The following WIZ variants were observed in gnomAD, a reference collection of about 807,000 sequenced individuals.
WIZ encodes WIZ zinc finger, also known as protein Wiz.
Under a neutral mutation model 140.2 loss-of-function variants are expected in WIZ, and 25 were observed. The ratio of observed to expected loss-of-function variants is 0.18; its 90% CI spans 0.13 to 0.25. The LOEUF is 0.25. Ranked by LOEUF, WIZ falls within the 10% of genes least tolerant of loss-of-function variation. The probability of loss-of-function intolerance (pLI) is 1.00; values close to 1 mark genes in which losing one functional copy is unlikely to be tolerated. For synonymous variants in WIZ, 1,125 were observed against 1,154.3 expected (o/e 0.97, Z 0.51); for missense variants, 2,231 against 2,632.6 (o/e 0.85, Z 3.34).
intron 6 of WIZ, 41 bp downstream of exon 6, chr19:15,430,971 G>A (rs1048862706): frequency 4.7e-6 from 7 of 1,490,604 alleles, no homozygotes; most frequent in Non-Finnish European, 6.3e-6. Context: ...AGTGTAACCA[G>A]CCTGGCCAGC....
At chr19:15,436,776 G>T in intron 5 of WIZ, 30 bp downstream of exon 5, 1 of 1,524,392 alleles carries the variant, frequency 6.6e-7, no homozygotes, top group South Asian at 1.3e-5. Context: ...GAAGGATGGG[G>T]CTCCAGCACA....
At chr19:15,426,671 G>T (rs1463824419) in intron 9 of WIZ, among the ~76,000 whole-genome samples, 2 of 152,220 alleles carry the variant, frequency 1.3e-5, no homozygotes, top group African/African-American at 4.8e-5. Flanking sequence ...ATCACTAATG[G>T]ATCCCCGCAG....
chr19:15,428,565 G>A lies in WIZ; in HGVS notation c.3416-57C>T, dbSNP rs1969011521. The A allele has an allele frequency of 5.2e-6, 8 of 1,534,038 alleles. No individual in the cohort carries two copies. Among genetic ancestry groups the A allele is most frequent in the South Asian group, 1.2e-5 (1 of 83,866 alleles). ...GCCGCCACCTTGGCCGGCCTTGGGGGCCTGAGGTAGGAGGGTCTGGTGTGA... is the reference window on the plus strand; with the variant it reads ...GCCGCCACCTTGGCCGGCCTTGGGGACCTGAGGTAGGAGGGTCTGGTGTGA... On this transcript the variant is annotated intron_variant, in intron 7 of 12. Transcript: ENST00000673675. This position sits in a 1 kb window ranked among gnomAD's most constrained non-coding sequence, Gnocchi z 6.4.
At chr19:15,437,571 G>A (rs536668720) in intron 4 of WIZ, among the ~76,000 whole-genome samples, 1 of 152,356 alleles carries the variant, frequency 6.6e-6, no homozygotes, top group South Asian at 2.1e-4. Context: ...TGGGAGGATT[G>A]CTTGAGCTTA....
chr19:15,439,512 C>T lies in WIZ; in HGVS notation c.1482G>A (p.Glu494=). 6.5e-7 allele frequency: 1 copy of T among 1,534,426 alleles called. No homozygotes were observed. The highest frequency in any genetic ancestry group is 8.7e-7 in the Non-Finnish European group (1 of 1,145,908). ...GGTCTTCCTCATAAGCCTCGCCATC[C>T]TCCTCCCAGTGGGGATGGGCATGCA... ...RLVHAHPHWE[E]DGEAYEEDPA... The change falls in exon 4 of 13, where the codon GAG becomes GAA. Residue 494 remains glutamate, a synonymous_variant. Coordinates refer to ENST00000673675, the MANE Select transcript of WIZ (RefSeq NM_001371589.1). The surrounding 1 kb of genome is among the most constrained non-coding windows in gnomAD (Gnocchi z 7.0).
chr19:15,429,480 CA>C, intron 7 of WIZ, 105 bp downstream of exon 7: 7 of 1,041,346 alleles, frequency 6.7e-6, no homozygotes, highest in African/African-American at 1.6e-5. Context: ...CTGTAGTCCC[CA>C]CCGCCCCCAC....
In WIZ at chr19:15,448,218, G is replaced by A. The variant is rs181434938; in HGVS notation, c.90C>T (p.Ile30=). Residue 30 remains isoleucine, a synonymous_variant, in exon 2 of 13, where the codon ATC becomes ATT. Transcript: ENST00000673675. ...RLPGPAPREN[I]EGGAEAAEGE... is the part of the protein sequence containing the mutation. ...CCTCAGCAGCTTCGGCCCCACCCTC[G>A]ATGTTCTCCCTTGGCGCCGGGCCAG... 3.1e-6 allele frequency: 5 copies of A among 1,613,318 alleles called. No individual in the cohort carries two copies. The highest frequency in any genetic ancestry group is 2.7e-5 in the African/African-American group (2 of 75,020).
rs773642175 is a variant in WIZ, at chr19:15,427,442, G to A, written c.3906C>T (p.Ser1302=). The change falls in exon 9 of 13, where the codon TCC becomes TCT. Residue 1302 remains serine (S), a synonymous_variant. Transcript: ENST00000673675. This position sits in a 1 kb window ranked among gnomAD's most constrained non-coding sequence, Gnocchi z 6.4. ...NRKGLSSHAR[S]HLRQMGVTEW... ...CGGTCACGCCCATTTGCCGCAGATGGGAGCGCGCGTGGCTCGAGAGGCCCT... is the reference window on the plus strand; with the variant it reads ...CGGTCACGCCCATTTGCCGCAGATGAGAGCGCGCGTGGCTCGAGAGGCCCT... 6.2e-7 allele frequency: 1 copy of A among 1,613,690 alleles called. No homozygotes were observed. Among genetic ancestry groups the A allele is most frequent in the Admixed American group, 1.7e-5 (1 of 60,020 alleles).
rs1185636362 is a variant in WIZ, at chr19:15,424,830, G to T, written c.5097C>A (p.Pro1699=). The T allele has an allele frequency of 2.5e-6, 4 of 1,609,780 alleles. No homozygotes were observed. Reference sequence around the variant, plus strand: ...CGGCACTGCGGAACTTCTTGGTGAAGGGGCGGCCGCCCTGGATGTAGCTGC... The same window carrying T: ...CGGCACTGCGGAACTTCTTGGTGAATGGGCGGCCGCCCTGGATGTAGCTGC... ...AYRSYIQGGR[P]FTKKFRSAGH... is the part of the protein sequence containing the mutation. Residue 1699 remains proline, a synonymous_variant, in exon 11 of 13, where the codon CCC becomes CCA. Coordinates refer to ENST00000673675, the MANE Select transcript of WIZ (RefSeq NM_001371589.1). The surrounding 1 kb of genome is among the most constrained non-coding windows in gnomAD (Gnocchi z 9.7).
Position 15,424,215 on chromosome 19 carries a change from C to G in WIZ, c.5478G>C (p.Lys1826Asn). 3 of 1,574,764 alleles carry G rather than the reference C, an allele frequency of 1.9e-6. No individual in the cohort carries two copies. Among genetic ancestry groups the G allele is most frequent in the Non-Finnish European group, 2.6e-6 (3 of 1,163,154 alleles). Residue 1826 changes from lysine to asparagine, a missense_variant, in exon 12 of 13, where the codon AAG becomes AAC. Coordinates refer to ENST00000673675, the MANE Select transcript of WIZ (RefSeq NM_001371589.1). This position sits in a 1 kb window ranked among gnomAD's most constrained non-coding sequence, Gnocchi z 9.7. ...VPRPPQTSLV[K>N]FVGNIYTLKC... ...TGAGGGTGTAGATGTTGCCCACGAA[C>G]TTGACAAGTGATGTCTGGGGGGGCC...
intron 4 of WIZ, 23 bp downstream of exon 4, chr19:15,438,555 C>A: frequency 6.8e-7 from 1 of 1,479,330 alleles, no homozygotes; most frequent in South Asian, 1.3e-5. Flanking sequence ...TCTCCTGGGC[C>A]TTTAAAAGTG....
At position 15,442,996 on chromosome 19, in the gene WIZ, C is replaced by G. The variant is rs927741552; in HGVS notation, c.206-248G>C. On this transcript the variant is annotated intron_variant, in intron 2 of 12. Coordinates refer to ENST00000673675, the MANE Select transcript of WIZ (RefSeq NM_001371589.1). The surrounding 1 kb of genome is among the most constrained non-coding windows in gnomAD (Gnocchi z 5.5). Reference sequence around the variant, plus strand: ...CAACCCTCCTCTCTTTCCCCCAACCCAGCAGCCAGGGTGGTTTTTTACAAG... The same window carrying G: ...CAACCCTCCTCTCTTTCCCCCAACCGAGCAGCCAGGGTGGTTTTTTACAAG... Among the ~76,000 whole-genome samples the G allele has an allele frequency of 6.6e-6, 1 of 152,204 alleles. No individual in the cohort carries two copies. Among genetic ancestry groups the G allele is most frequent in the African/African-American group, 2.4e-5 (1 of 41,448 alleles).
rs1969531932 is a variant in WIZ, at chr19:15,436,824, C to CAGCCTCCATAGG, written c.2721_2722insCCTATGGAGGCT (p.Pro907_Gly908insProMetGluAla). 1 of 1,602,342 alleles carries CAGCCTCCATAGG rather than the reference C, an allele frequency of 6.2e-7. No homozygotes were observed. Among genetic ancestry groups the CAGCCTCCATAGG allele is most frequent in the African/African-American group, 1.4e-5 (1 of 74,056 alleles). On this transcript the variant is annotated inframe_insertion, in exon 5 of 13. Coordinates refer to ENST00000673675, the MANE Select transcript of WIZ (RefSeq NM_001371589.1). ...CCCTTACCATCTCCATAGGCTGGCCCAGGGTCCTCAGCCCAGGTGGGTGGA... is the reference window on the plus strand; with the variant it reads ...CCCTTACCATCTCCATAGGCTGGCCCAGCCTCCATAGGAGGGTCCTCAGCCCAGGTGGGTGGA...
rs899755069 is a variant in WIZ at position 15,439,691 on chromosome 19, G to T, written c.1303C>A (p.Pro435Thr). 2 of 1,499,892 alleles carry T rather than the reference G, an allele frequency of 1.3e-6. No individual in the cohort carries two copies. Among genetic ancestry groups the T allele is most frequent in the Non-Finnish European group, 8.8e-7 (1 of 1,131,340 alleles). The allele number at this position is 1,499,892 out of a possible 1,614,324, so 92.9% of individuals were successfully genotyped here. A position where few individuals can be genotyped will look rare whatever the true frequency, so the allele number is the denominator to read the frequency against. The change falls in exon 4 of 13, where the codon CCT becomes ACT. Residue 435 changes from proline (P) to threonine (T), a missense_variant. Physicochemically the swap from Pro to Thr is conservative, Grantham distance 38. Around this residue, in one of 15 missense-constraint regions of WIZ, gnomAD observed 475 missense variants for 520.2 expected, o/e 0.91. Transcript: ENST00000673675. The surrounding 1 kb of genome is among the most constrained non-coding windows in gnomAD (Gnocchi z 7.0). ...CCAGCCCCGCTGCTGCCTCCAAAAG[G>T]CTCTTTGGTGGTCTGGCCTGGGGGC... Reference protein sequence around the residue: ...REPPGQTTKEPFGGSSGAGSP... With the variant: ...REPPGQTTKETFGGSSGAGSP...
In WIZ at chr19:15,442,737, G is replaced by A; in HGVS notation, c.217C>T (p.His73Tyr). The A allele has an allele frequency of 8.1e-7, 1 of 1,232,248 alleles. No homozygotes were observed. Among genetic ancestry groups the A allele is most frequent in the Non-Finnish European group, 1.0e-6 (1 of 988,116 alleles). 76.3% of individuals were successfully genotyped at this position (1,232,248 alleles called of 1,614,324 possible). A position where few individuals can be genotyped will look rare whatever the true frequency, so the allele number is the denominator to read the frequency against. Reference protein sequence around the residue: ...GRGGISDGQPHPGLSEALPRV... With the variant: ...GRGGISDGQPYPGLSEALPRV... The stretch of plus-strand genomic sequence containing the variant: ...GGGAGGGCTTCGCTGAGGCCGGGAT[G>A]GGGCTGCCCGTCTGCAACAGAGAGG... Residue 73 changes from histidine (H) to tyrosine (Y), a missense_variant, in exon 3 of 13, where the codon CAT becomes TAT. By Grantham distance (83) the His-to-Tyr change is moderately conservative. Transcript: ENST00000673675. This position sits in a 1 kb window ranked among gnomAD's most constrained non-coding sequence, Gnocchi z 5.5.
intron 2 of WIZ, among the ~76,000 whole-genome samples, chr19:15,444,768 G>T (rs544813893): frequency 6.6e-6 from 1 of 152,218 alleles, no homozygotes; most frequent in Non-Finnish European, 1.5e-5. Context: ...GGAGAGGGCA[G>T]CCGGTTCACA....
Position 15,428,129 on chromosome 19 carries a change from C to T in WIZ, c.3795G>A (p.Glu1265=). 1 of 1,534,228 alleles carries T rather than the reference C, an allele frequency of 6.5e-7. No homozygotes were observed. Among genetic ancestry groups the T allele is most frequent in the Non-Finnish European group, 8.7e-7 (1 of 1,146,770 alleles). The change falls in exon 8 of 13, where the codon GAG becomes GAA. Residue 1265 remains glutamate (E), a synonymous_variant. Transcript: ENST00000673675. The surrounding 1 kb of genome is among the most constrained non-coding windows in gnomAD (Gnocchi z 6.4). The part of the protein sequence containing the change: ...AAGIFWASDV[E]PSPLNLSSGP... Reference sequence around the variant, plus strand: ...ACCTACAGAGGTTGAGAGGAGACGGCTCCACATCAGAGGCCCAGAAAATGC... The same window carrying T: ...ACCTACAGAGGTTGAGAGGAGACGGTTCCACATCAGAGGCCCAGAAAATGC...
At chr19:15,443,945 C>T (rs1969829026) in intron 2 of WIZ, among the ~76,000 whole-genome samples, 1 of 152,178 alleles carries the variant, frequency 6.6e-6, no homozygotes, top group Non-Finnish European at 1.5e-5. Context: ...CTATTATCCG[C>T]CTGTGGAGCC....
intron 5 of WIZ, chr19:15,433,255 A>G: frequency 2.0e-6 from 2 of 985,318 alleles, no homozygotes; most frequent in Non-Finnish European, 2.4e-6. Context: ...GGAACCCCAC[A>G]AGGCCGGCAA....
Sources: allele counts gnomAD v4.1 joint callset (sites outside exome capture counted in the v4.1 genomes callset), GRCh38; gene constraint gnomAD v4.1.1; regional missense constraint gnomAD v4.1.1; non-coding constraint Gnocchi (gnomAD v3.1); transcripts MANE v1.5; gene names NCBI Gene and HGNC (gene_info 2026-07-23, HGNC 2026-07-21).